REEP5: variants seen among roughly 807,000 people sequenced by gnomAD.
The protein encoded by REEP5 is receptor accessory protein 5, also known as receptor expression-enhancing protein 5.
REEP5 carries 24 observed loss-of-function variants against 22.4 expected under a neutral mutation model. The observed-to-expected ratio is 1.07, with a 90% CI of 0.78 to 1.51. The LOEUF is 1.51. Ranked by LOEUF, REEP5 falls within the 40% of genes most tolerant of loss-of-function variation. REEP5 has a pLI of 0.00. For synonymous variants in REEP5, 103 were observed against 88.6 expected (o/e 1.16, Z -0.92); for missense variants, 252 against 233.0 (o/e 1.08, Z -0.53).
At chr5:112,886,438 TC>T in intron 4 of REEP5, among the ~76,000 whole-genome samples, 1 of 152,356 alleles carries the variant, frequency 6.6e-6, no homozygotes, top group East Asian at 1.9e-4. Flanking sequence ...TTATCATTTC[TC>T]CTCCCGCTTT....
At chr5:112,899,507 T>C (rs941428237) in intron 3 of REEP5, among the ~76,000 whole-genome samples, 5 of 152,200 alleles carry the variant, frequency 3.3e-5, no homozygotes, top group African/African-American at 1.2e-4. Context: ...TATGGATCTA[T>C]TTCATTCCAT....
chr5:112,883,244 TTC>T (rs1768132173), intron 4 of REEP5, among the ~76,000 whole-genome samples: 1 of 152,226 alleles, frequency 6.6e-6, no homozygotes, highest in African/African-American at 2.4e-5. Context: ...CTCATCCCTT[TTC>T]TCTCATTCTC....
chr5:112,913,450 A>AGCTAGTGAGATC (rs1203448957), intron 2 of REEP5, among the ~76,000 whole-genome samples: 3 of 151,042 alleles, frequency 2.0e-5, no homozygotes, highest in Non-Finnish European at 3.0e-5. Flanking sequence ...TGGAGTGAGA[A>AGCTAGTGAGATC]TAGCTAGAGC....
rs1343972694 is a variant in REEP5 at position 112,877,981 on chromosome 5, C to CTCTG, written c.*804_*805insCAGA. 6.8e-6 allele frequency: 1 copy of CTCTG among 147,530 alleles called. No homozygotes were observed. The highest frequency in any genetic ancestry group is 2.0e-4 in the East Asian group (1 of 4,996). 9.1% of individuals were successfully genotyped at this position (147,530 alleles called of 1,614,324 possible). ...AGGGAATTGAGAGTTACAGGTTACT[C>CTCTG]TGTGTGTGTGTGTGTGTGTGTGTGT... is the stretch of plus-strand genomic sequence containing the variant. On this transcript the variant is annotated 3_prime_UTR_variant, in exon 5 of 5. Transcript: ENST00000379638.
At position 112,879,992 on chromosome 5, in the gene REEP5, ATTG is replaced by A. The variant is rs538094481; in HGVS notation, c.521-1160_521-1158del. Among the ~76,000 whole-genome samples, 73 of 152,230 alleles carry A rather than the reference ATTG, an allele frequency of 4.8e-4. 1 individual carries two copies. The highest frequency in any genetic ancestry group is 1.5e-3 in the African/African-American group (64 of 41,550). ...CTAATGCAACATGAATGCTATATAA[ATTG>A]TTGTTATACTAAATTGTTTTTAAAA... On this transcript the variant is annotated intron_variant, in intron 4 of 4. Coordinates refer to ENST00000379638, the MANE Select transcript of REEP5 (RefSeq NM_005669.5).
chr5:112,887,184 C>A lies in REEP5; in HGVS notation c.352-1G>T. The A allele has an allele frequency of 1.3e-6, 2 of 1,583,518 alleles. No homozygotes were observed. Among genetic ancestry groups the A allele is most frequent in the South Asian group, 1.1e-5 (1 of 88,120 alleles). ...CCATGCACCACAACAGGAAGCCACA[C>A]TGCACAGAAAAAGAGCCAGCATGGG... On this transcript the variant is annotated splice_acceptor_variant, in intron 3 of 4. Transcript: ENST00000379638. LOFTEE classifies it high-confidence loss of function.
intron 3 of REEP5, chr5:112,898,458 TG>T (rs1768761972): frequency 6.6e-6 from 1 of 152,236 alleles, no homozygotes; most frequent in Non-Finnish European, 1.5e-5. Context: ...ATATTTTAAA[TG>T]AACTTCAAAA....
Position 112,922,147 on chromosome 5 carries a change from T to C in REEP5, c.44A>G (p.Glu15Gly). ...CAGAAGGTCAGTCATGCAGTTCTTC[T>C]CGTGCAGGAACCGGTCGAACCTCTC... ...MRERFDRFLH[E>G]KNCMTDLLAK... is the part of the protein sequence containing the mutation. Residue 15 changes from glutamate to glycine, a missense_variant, in exon 1 of 5, where the codon GAG becomes GGG. Glu to Gly is a moderately conservative substitution (Grantham distance 98). Coordinates refer to ENST00000379638, the MANE Select transcript of REEP5 (RefSeq NM_005669.5). 1 of 1,608,178 alleles carries C rather than the reference T, an allele frequency of 6.2e-7. No homozygotes were observed. Among genetic ancestry groups the C allele is most frequent in the Non-Finnish European group, 8.5e-7 (1 of 1,177,428 alleles).
At chr5:112,917,861 G>A (rs1769265041) in intron 2 of REEP5, among the ~76,000 whole-genome samples, 2 of 152,294 alleles carry the variant, frequency 1.3e-5, no homozygotes, top group South Asian at 4.2e-4. Flanking sequence ...GGAGGAATAG[G>A]GAGTGATTGG....
intron 3 of REEP5, among the ~76,000 whole-genome samples, chr5:112,890,099 T>A (rs181498826): frequency 1.3e-5 from 2 of 150,366 alleles, no homozygotes; most frequent in East Asian, 4.1e-4. Flanking sequence ...AGTGCTGGGA[T>A]TACAGGCGTG....
chr5:112,890,904 C>T (rs1326954277), intron 3 of REEP5, among the ~76,000 whole-genome samples: 1 of 150,370 alleles, frequency 6.7e-6, no homozygotes, highest in Non-Finnish European at 1.5e-5. Flanking sequence ...AAATTTACCC[C>T]TATAATTTTG....
At chr5:112,913,460 C>T (rs1769160740) in intron 2 of REEP5, among the ~76,000 whole-genome samples, 1 of 147,476 alleles carries the variant, frequency 6.8e-6, no homozygotes, top group Admixed American at 6.8e-5. Flanking sequence ...ATAGCTAGAG[C>T]CTGGGAGGTC....
intron 3 of REEP5, chr5:112,893,857 C>G (rs1056414353): frequency 2.6e-5 from 4 of 152,246 alleles, no homozygotes; most frequent in Admixed American, 1.3e-4. Flanking sequence ...GTTTTCCCAG[C>G]AACTCTGCTC....
In REEP5 at chr5:112,887,164, C is replaced by A; in HGVS notation, c.371G>T (p.Cys124Phe). Residue 124 changes from cysteine (C) to phenylalanine (F), a missense_variant, in exon 4 of 5, where the codon TGC (cysteine) becomes TTC (phenylalanine). Coordinates refer to ENST00000379638, the MANE Select transcript of REEP5 (RefSeq NM_005669.5). ...CCCATTAGAAGGGCTCGGGGCCATG[C>A]ACCACAACAGGAAGCCACACTGCAC... is the stretch of plus-strand genomic sequence containing the variant. ...YMLKCGFLLW[C>F]MAPSPSNGAE... The A allele has an allele frequency of 1.2e-6, 2 of 1,604,528 alleles. No individual in the cohort carries two copies. Among genetic ancestry groups the A allele is most frequent in the Non-Finnish European group, 1.7e-6 (2 of 1,174,066 alleles).
Position 112,922,219 on chromosome 5 carries a change from G to A in REEP5, c.-29C>T, listed in dbSNP as rs1769393568. 3.8e-6 allele frequency: 6 copies of A among 1,593,980 alleles called. No individual in the cohort carries two copies. In the South Asian group the frequency reaches 5.6e-5, roughly 15 times the overall value. ...GGGGACCGTCTCGCCGCTCGGGGCT[G>A]TTCCTAGTGCCGGATAGACTGGAGC... On this transcript the variant is annotated 5_prime_UTR_variant, in exon 1 of 5. Transcript: ENST00000379638.
rs145948533 is a variant in REEP5, at chr5:112,879,433, G to T, written c.521-598C>A. Among the ~76,000 whole-genome samples, 132 of 152,074 alleles carry T rather than the reference G, an allele frequency of 8.7e-4. 1 individual carries two copies. Among genetic ancestry groups the T allele is most frequent in the Admixed American group, 6.1e-3 (93 of 15,248 alleles). ...GCCCTTAAATAGAATGGCATACATA[G>T]TATTTCCATATAACCTATGTGCTTT... On this transcript the variant is annotated intron_variant, in intron 4 of 4. Transcript: ENST00000379638.
intron 2 of REEP5, among the ~76,000 whole-genome samples, chr5:112,920,767 G>C (rs1443992974): frequency 6.6e-6 from 1 of 152,124 alleles, no homozygotes; most frequent in Non-Finnish European, 1.5e-5. Flanking sequence ...CTAATTGATA[G>C]GGTTTTACTC....
intron 3 of REEP5, chr5:112,898,456 A>G (rs1768761813): frequency 6.6e-6 from 1 of 152,234 alleles, no homozygotes; most frequent in Non-Finnish European, 1.5e-5. Context: ...CAATATTTTA[A>G]ATGAACTTCA....
In REEP5 at chr5:112,893,274, G is replaced by A. The variant is rs1356545865; in HGVS notation, c.352-6091C>T. On this transcript the variant is annotated intron_variant, in intron 3 of 4. Transcript: ENST00000379638. ...AAAATACAAAAATTAGCCAGGTGTG[G>A]TGGCAGGCGTCTGTAATCCAAGCTA... is the stretch of plus-strand genomic sequence containing the variant. The A allele has an allele frequency of 1.4e-4, 36 of 266,218 alleles. No homozygotes were observed. The South Asian group carries it at 1.5e-3, about 11-fold the overall frequency. 16.5% of individuals were successfully genotyped at this position (266,218 alleles called of 1,614,324 possible).
Sources: gnomAD v4.1 joint callset for allele counts (sites outside exome capture counted in the v4.1 genomes callset) on GRCh38, gnomAD v4.1.1 for gene constraint, MANE v1.5 for transcripts, NCBI Gene and HGNC (gene_info 2026-07-23, HGNC 2026-07-21) for gene names.